The following RSAD2 variants were observed in gnomAD, a reference collection of about 807,000 sequenced individuals.
The protein encoded by RSAD2 is radical S-adenosyl methionine domain containing 2.
Under a neutral mutation model 37.7 loss-of-function variants are expected in RSAD2, and 38 were observed. The ratio of observed to expected loss-of-function variants is 1.01; its 90% CI spans 0.78 to 1.32. The LOEUF is 1.32. RSAD2 is among the 40% of genes most tolerant of loss of function. The pLI is 0.00. For missense variants in RSAD2, 428 were observed against 437.5 expected, an observed-to-expected ratio of 0.98 and a Z score of 0.19; for synonymous variants, 163 against 157.4, an observed-to-expected ratio of 1.04 and a Z score of -0.27.
chr2:6,894,724 G>T (rs1220942104), intron 5 of RSAD2, among the ~76,000 whole-genome samples: 1 of 152,226 alleles, frequency 6.6e-6, no homozygotes, highest in African/African-American at 2.4e-5. Context: ...TGGGATTCCA[G>T]GTGTGGGCCC....
At chr2:6,883,726 A>G (rs916390922) in intron 2 of RSAD2, 194 bp downstream of exon 2, 1 of 610,892 alleles carries the variant, frequency 1.6e-6, no homozygotes, top group Admixed American at 3.1e-5. Context: ...TAGGGCTCTC[A>G]GTAAACAAGT....
intron 1 of RSAD2, among the ~76,000 whole-genome samples, chr2:6,872,556 AAAG>A (rs753840967): frequency 2.6e-5 from 4 of 152,162 alleles, no homozygotes; most frequent in East Asian, 3.8e-4. Flanking sequence ...GGAAGGTTGA[AAAG>A]AAAAGAGAAA....
intron 2 of RSAD2, among the ~76,000 whole-genome samples, chr2:6,885,459 G>A (rs1370098059): frequency 6.6e-6 from 1 of 152,138 alleles, no homozygotes; most frequent in African/African-American, 2.4e-5. Flanking sequence ...ATGCCCCATT[G>A]CTCCAGGTTT....
At chr2:6,889,275 A>G in intron 3 of RSAD2, among the ~76,000 whole-genome samples, 1 of 152,230 alleles carries the variant, frequency 6.6e-6, no homozygotes, top group Non-Finnish European at 1.5e-5. Context: ...CCCTCCCAAG[A>G]TGCTCACAGT....
rs546271874 is a variant in RSAD2, at chr2:6,883,586, G to T, written c.508+54G>T. Reference sequence around the variant, plus strand: ...ATTGCTATTGCTATTTTTATTGTTGGTTCTTATATTTCCTTCCCTCCTGGG... The same window carrying T: ...ATTGCTATTGCTATTTTTATTGTTGTTTCTTATATTTCCTTCCCTCCTGGG... On this transcript the variant is annotated intron_variant, in intron 2 of 5. Transcript: ENST00000382040. 2.4e-4 allele frequency: 377 copies of T among 1,596,994 alleles called. 1 individual carries two copies. The African/African-American group carries it at 4.4e-3, about 19-fold the overall frequency.
chr2:6,886,192 T>C (rs1257127903), intron 2 of RSAD2, among the ~76,000 whole-genome samples: 1 of 152,184 alleles, frequency 6.6e-6, no homozygotes. Flanking sequence ...GATAAGTGGA[T>C]AGCATGAAGG....
At chr2:6,871,845 T>C (rs1271507465) in intron 1 of RSAD2, among the ~76,000 whole-genome samples, 1 of 152,196 alleles carries the variant, frequency 6.6e-6, no homozygotes, top group Non-Finnish European at 1.5e-5. Flanking sequence ...ATAAGACTAG[T>C]CTAATATTGT....
In RSAD2 at chr2:6,878,083, A is replaced by G. The variant is rs1242038376; in HGVS notation, c.283A>G (p.Lys95Glu). Residue 95 changes from lysine (K) to glutamate (E), a missense_variant, in exon 1 of 6, where the codon AAA (lysine) becomes GAA (glutamate). Coordinates refer to ENST00000382040, the MANE Select transcript of RSAD2 (RefSeq NM_080657.5). ...ATGCGGCTTCTGTTTCCACACAGCCAAAACATCCTTTGTGCTGCCCCTTGA... is the reference window on the plus strand; with the variant it reads ...ATGCGGCTTCTGTTTCCACACAGCCGAAACATCCTTTGTGCTGCCCCTTGA... ...YKCGFCFHTA[K>E]TSFVLPLEEA... The G allele has an allele frequency of 3.7e-6, 6 of 1,614,162 alleles. No individual in the cohort carries two copies. The highest frequency in any genetic ancestry group is 5.1e-6 in the Non-Finnish European group (6 of 1,180,026).
rs1451770680 is a variant in RSAD2, at chr2:6,886,917, A to T, written c.509-18A>T. On this transcript the variant is annotated intron_variant, in intron 2 of 5. Transcript: ENST00000382040. The stretch of plus-strand genomic sequence containing the variant: ...GGTCCTTGGATAGAAAAGTTTAAAC[A>T]TGATCATTTTCCCTCAGGTGAGTAT... 3 of 1,599,602 alleles carry T rather than the reference A, an allele frequency of 1.9e-6. No individual in the cohort carries two copies. The highest frequency in any genetic ancestry group is 2.2e-5 in the South Asian group (2 of 90,732).
At chr2:6,881,685 C>T (rs184370756) in intron 1 of RSAD2, among the ~76,000 whole-genome samples, 4 of 151,706 alleles carry the variant, frequency 2.6e-5, no homozygotes, top group African/African-American at 7.3e-5. Flanking sequence ...AGGTGTATGA[C>T]GCACAGGCCC....
chr2:6,877,722 C>A, upstream of RSAD2: 1 of 1,100,362 alleles, frequency 9.1e-7, no homozygotes, highest in South Asian at 1.6e-5. Flanking sequence ...ACAGGTTGCT[C>A]AGAGACTGCT....
Position 6,890,158 on chromosome 2 carries a change from A to T in RSAD2, c.739-18A>T. On this transcript the variant is annotated intron_variant, in intron 3 of 5. Coordinates refer to ENST00000382040, the MANE Select transcript of RSAD2 (RefSeq NM_080657.5). ...ATGGAAAGCTCTCTGCAAAGCAAAC[A>T]CTACCATTGCCTTTCAGGTGTTCCA... is the stretch of plus-strand genomic sequence containing the variant. The T allele has an allele frequency of 6.2e-7, 1 of 1,612,704 alleles. No individual in the cohort carries two copies. Among genetic ancestry groups the T allele is most frequent in the Non-Finnish European group, 8.5e-7 (1 of 1,178,994 alleles).
At chr2:6,884,655 G>A (rs1663480582) in intron 2 of RSAD2, among the ~76,000 whole-genome samples, 1 of 152,100 alleles carries the variant, frequency 6.6e-6, no homozygotes, top group African/African-American at 2.4e-5. Context: ...GGGAGAAAGT[G>A]GTATAAATTA....
intron 2 of RSAD2, 46 bp downstream of exon 2, chr2:6,883,578 T>C: frequency 6.2e-7 from 1 of 1,603,280 alleles, no homozygotes; most frequent in Non-Finnish European, 8.5e-7. Context: ...TTGCTATTTT[T>C]ATTGTTGGTT....
At position 6,877,881 on chromosome 2, in the gene RSAD2, C is replaced by G; in HGVS notation, c.81C>G (p.Ser27Arg). The change falls in exon 1 of 6, where the codon AGC becomes AGG. Residue 27 changes from serine (S) to arginine (R), a missense_variant. Physicochemically the swap from Ser to Arg is moderately radical, Grantham distance 110 (BLOSUM62 -1). Transcript: ENST00000382040. ...AACCTCTGAGCTCTCTGTGGAGGAG[C>G]CTGGTCCCGCTGTTCTGCTGGCTGA... ...FRQPLSSLWR[S>R]LVPLFCWLRA... 3.1e-6 allele frequency: 5 copies of G among 1,614,084 alleles called. No homozygotes were observed. The highest frequency in any genetic ancestry group is 4.2e-6 in the Non-Finnish European group (5 of 1,180,024).
Position 6,890,334 on chromosome 2 carries a change from A to T in RSAD2, c.888+9A>T. On this transcript the variant is annotated intron_variant, in intron 4 of 5. Coordinates refer to ENST00000382040, the MANE Select transcript of RSAD2 (RefSeq NM_080657.5). ...CTGAATCTAACCAGAAGGTTGTATA[A>T]AGCAAAAGTTGTTTTCTTTGTCATC... 6.2e-7 allele frequency: 1 copy of T among 1,613,168 alleles called. No individual in the cohort carries two copies. The highest frequency in any genetic ancestry group is 8.5e-7 in the Non-Finnish European group (1 of 1,179,556).
At chr2:6,867,832 C>G (rs1182799448) in intron 1 of RSAD2, among the ~76,000 whole-genome samples, 1 of 152,184 alleles carries the variant, frequency 6.6e-6, no homozygotes, top group African/African-American at 2.4e-5. Context: ...TACCTTCGCC[C>G]TACGAAGAGA....
upstream of RSAD2, among the ~76,000 whole-genome samples, chr2:6,874,980 A>G (rs1663258582): frequency 6.6e-6 from 1 of 152,198 alleles, no homozygotes; most frequent in Non-Finnish European, 1.5e-5. Flanking sequence ...AAGAGTTCCC[A>G]GCCTTACAGT....
At position 6,878,997 on chromosome 2, in the gene RSAD2, A is replaced by G. The variant is rs79692385; in HGVS notation, c.346+851A>G. The G allele has an allele frequency of 2.0e-3, 993 of 496,780 alleles. 12 individuals are homozygous for G. The highest frequency in any genetic ancestry group is 0.014 in the Admixed American group (587 of 42,622). 30.8% of individuals were successfully genotyped at this position (496,780 alleles called of 1,614,324 possible). ...TAGCCTGCAGATTCAGAGAGAAAGC[A>G]TCACCAGCGCCAGAAGTGCATGCTG... On this transcript the variant is annotated intron_variant, in intron 1 of 5. Transcript: ENST00000382040.
Sources: gnomAD v4.1 joint callset for allele counts (sites outside exome capture counted in the v4.1 genomes callset) on GRCh38, gnomAD v4.1.1 for gene constraint, MANE v1.5 for transcripts, NCBI Gene and HGNC (gene_info 2026-07-23, HGNC 2026-07-21) for gene names.